Variants in CPNE8 observed in about 807,000 individuals in gnomAD.
CPNE8 encodes the protein copine-8.
Under a neutral mutation model 81.5 loss-of-function variants are expected in CPNE8, and 45 were observed. The observed-to-expected ratio is 0.55, with a 90% CI of 0.44 to 0.71. The LOEUF is 0.71. Ranked by LOEUF, CPNE8 falls within the 30% of genes least tolerant of loss-of-function variation. The pLI is 0.00. For missense variants in CPNE8, 594 were observed against 672.1 expected, an observed-to-expected ratio of 0.88 and a Z score of 1.28; for synonymous variants, 252 against 226.3, an observed-to-expected ratio of 1.11 and a Z score of -1.02.
intron 14 of CPNE8, among the ~76,000 whole-genome samples, chr12:38,700,074 G>A (rs541863447): frequency 2.0e-5 from 3 of 152,090 alleles, no homozygotes; most frequent in East Asian, 3.9e-4. Context: ...CTTGCCTAAT[G>A]GTCTTGGCTA....
At chr12:38,816,918 A>G (rs778638272) in intron 6 of CPNE8, among the ~76,000 whole-genome samples, 1 of 152,234 alleles carries the variant, frequency 6.6e-6, no homozygotes, top group African/African-American at 2.4e-5. Context: ...ATTTTTACTT[A>G]CTGGCATTTG....
At chr12:38,688,880 C>T (rs1469162161) in intron 15 of CPNE8, among the ~76,000 whole-genome samples, 1 of 151,988 alleles carries the variant, frequency 6.6e-6, no homozygotes, top group East Asian at 1.9e-4. Flanking sequence ...GTGATGGGTG[C>T]ATCAGAATCT....
chr12:38,830,731 G>T (rs1943272785), intron 5 of CPNE8, among the ~76,000 whole-genome samples: 1 of 152,170 alleles, frequency 6.6e-6, no homozygotes, highest in Non-Finnish European at 1.5e-5. Flanking sequence ...AGAAATGACT[G>T]TTCTCAGATG....
chr12:38,733,048 C>T (rs1281369552), intron 10 of CPNE8, among the ~76,000 whole-genome samples: 1 of 151,876 alleles, frequency 6.6e-6, no homozygotes, highest in Non-Finnish European at 1.5e-5. Context: ...GTAGATGATC[C>T]AGCAGTGAGG....
chr12:38,899,204 T>A (rs2137160352), intron 1 of CPNE8, among the ~76,000 whole-genome samples: 1 of 152,240 alleles, frequency 6.6e-6, no homozygotes, highest in South Asian at 2.1e-4. Flanking sequence ...TGTGTTGAAA[T>A]CCTAACCCCT....
At chr12:38,732,560 T>C (rs1467904182) in intron 10 of CPNE8, among the ~76,000 whole-genome samples, 10 of 151,960 alleles carry the variant, frequency 6.6e-5, no homozygotes, top group Admixed American at 6.6e-4. Flanking sequence ...TGCCCACTTA[T>C]ATTTTCTGTT....
At chr12:38,826,660 T>C (rs1223394145) in intron 6 of CPNE8, among the ~76,000 whole-genome samples, 2 of 152,166 alleles carry the variant, frequency 1.3e-5, no homozygotes, top group Non-Finnish European at 2.9e-5. Context: ...ACAAGGACCA[T>C]ATCTTATGCT....
chr12:38,905,052 G>A (rs532678596), intron 1 of CPNE8, among the ~76,000 whole-genome samples: 5 of 152,232 alleles, frequency 3.3e-5, no homozygotes, highest in African/African-American at 1.2e-4. Flanking sequence ...GGGCCTAAGC[G>A]TGCAGCGGTC....
chr12:38,887,498 C>G (rs1032656009), intron 1 of CPNE8, among the ~76,000 whole-genome samples: 1 of 152,158 alleles, frequency 6.6e-6, no homozygotes, highest in East Asian at 1.9e-4. Context: ...GTGATTTGTA[C>G]TTTCTCCTTT....
chr12:38,785,142 C>T (rs986961002), intron 6 of CPNE8, among the ~76,000 whole-genome samples: 1 of 149,906 alleles, frequency 6.7e-6, no homozygotes, highest in Admixed American at 6.7e-5. Flanking sequence ...TTGCAGAGAT[C>T]GTGCCACTGC....
intron 1 of CPNE8, among the ~76,000 whole-genome samples, chr12:38,902,384 A>AAAG (rs1944497636): frequency 1.3e-5 from 1 of 76,536 alleles, no homozygotes. Context: ...AAGAAAGAAA[A>AAAG]GAAAGAAAGA....
chr12:38,705,558 C>A (rs1043229225), intron 13 of CPNE8, among the ~76,000 whole-genome samples: 1 of 152,052 alleles, frequency 6.6e-6, no homozygotes, highest in African/African-American at 2.4e-5. Flanking sequence ...CCAGCATGAA[C>A]CTAAGTGAGT....
chr12:38,819,065 T>G (rs1943072212), intron 6 of CPNE8, among the ~76,000 whole-genome samples: 1 of 152,194 alleles, frequency 6.6e-6, no homozygotes, highest in African/African-American at 2.4e-5. Context: ...TTCAAAAAAT[T>G]TTTCCCATTC....
At chr12:38,873,077 T>C (rs1047971103) in intron 2 of CPNE8, 27 bp from the exon 3 acceptor site, 3 of 1,373,554 alleles carry the variant, frequency 2.2e-6, no homozygotes, top group Admixed American at 3.8e-5. Context: ...AATACGCACA[T>C]ATAAATGTCT....
At chr12:38,718,690 G>A (rs1940472232) in intron 13 of CPNE8, among the ~76,000 whole-genome samples, 1 of 151,990 alleles carries the variant, frequency 6.6e-6, no homozygotes, top group Non-Finnish European at 1.5e-5. Flanking sequence ...ATTATTTCTA[G>A]GAAGTAACTC....
intron 10 of CPNE8, among the ~76,000 whole-genome samples, chr12:38,738,712 A>T (rs1366980550): frequency 6.6e-6 from 1 of 152,172 alleles, no homozygotes; most frequent in Non-Finnish European, 1.5e-5. Flanking sequence ...ACTTAAAAGT[A>T]ATAACTCCTT....
At chr12:38,726,043 C>G (rs1374042764) in intron 11 of CPNE8, among the ~76,000 whole-genome samples, 1 of 152,008 alleles carries the variant, frequency 6.6e-6, no homozygotes, top group Admixed American at 6.6e-5. Context: ...AGAGCTCAGG[C>G]AGTAATGCTC....
intron 3 of CPNE8, among the ~76,000 whole-genome samples, chr12:38,850,180 C>T (rs1250403136): frequency 1.3e-5 from 2 of 152,180 alleles, no homozygotes; most frequent in Non-Finnish European, 2.9e-5. Flanking sequence ...ACCCTCCACC[C>T]TCCCACTGTT....
chr12:38,654,841 T>C (rs1938782895), intron 19 of CPNE8, among the ~76,000 whole-genome samples: 1 of 152,104 alleles, frequency 6.6e-6, no homozygotes, highest in Non-Finnish European at 1.5e-5. Context: ...TATTACCCAA[T>C]TCAGGGTAAA....
Sources: allele counts gnomAD v4.1 joint callset (sites outside exome capture counted in the v4.1 genomes callset), GRCh38; gene constraint gnomAD v4.1.1; transcripts MANE v1.5; gene names NCBI Gene and HGNC (gene_info 2026-07-23, HGNC 2026-07-21).